Variants in DTWD2 observed in about 807,000 individuals in gnomAD.
The protein encoded by DTWD2 is DTW motif tRNA-uridine aminocarboxypropyltransferase 2.
In DTWD2, 39 loss-of-function variants were observed where a neutral mutation model predicts 31.8. That is an observed-to-expected ratio of 1.22 (90% CI 0.95 to 1.60). DTWD2 has a LOEUF of 1.60. DTWD2 is among the 40% of genes most tolerant of loss of function. The pLI is 0.00. For synonymous variants in DTWD2, 180 were observed against 142.8 expected (o/e 1.26, Z -1.86); for missense variants, 515 against 381.5 (o/e 1.35, Z -2.92).
chr5:118,963,929 G>T (rs1307873431), intron 1 of DTWD2, among the ~76,000 whole-genome samples: 1 of 152,154 alleles, frequency 6.6e-6, no homozygotes, highest in African/African-American at 2.4e-5. Context: ...GCATTTGCAG[G>T]CCAGGTGCAG....
At chr5:118,964,364 C>T (rs966346149) in intron 1 of DTWD2, among the ~76,000 whole-genome samples, 2 of 152,066 alleles carry the variant, frequency 1.3e-5, no homozygotes, top group Admixed American at 6.5e-5. Context: ...AAAGAGATGC[C>T]AGGGGAAAAT....
intron 1 of DTWD2, among the ~76,000 whole-genome samples, chr5:118,969,295 CCTCAGCTCAGCACACCCA>C (rs2149597426): frequency 6.6e-6 from 1 of 152,282 alleles, no homozygotes; most frequent in African/African-American, 2.4e-5. Flanking sequence ...GGAGGATTCC[CCTCAGCTCAGCACACCCA>C]CTCAGCCAAA....
intron 1 of DTWD2, among the ~76,000 whole-genome samples, chr5:118,956,971 T>C (rs1191105225): frequency 6.6e-6 from 1 of 152,164 alleles, no homozygotes; most frequent in African/African-American, 2.4e-5. Context: ...ATCTGTAAGA[T>C]AAAGTCATTG....
chr5:118,838,498 T>A lies in DTWD2; in HGVS notation c.*2419A>T, dbSNP rs1751627664. 1 of 152,224 alleles carries A rather than the reference T, an allele frequency of 6.6e-6. No homozygotes were observed. The highest frequency in any genetic ancestry group is 2.4e-5 in the African/African-American group (1 of 41,464). The allele number at this position is 152,224 out of a possible 1,614,324, so 9.4% of individuals were successfully genotyped here. A position where few individuals can be genotyped will look rare whatever the true frequency, so the allele number is the denominator to read the frequency against. ...TTTTTCAATTAAAATACTCAGATAATACTACACACTTGAGAACTTTTAGTA... is the reference window on the plus strand; with the variant it reads ...TTTTTCAATTAAAATACTCAGATAAAACTACACACTTGAGAACTTTTAGTA... On this transcript the variant is annotated 3_prime_UTR_variant, in exon 6 of 6. Coordinates refer to ENST00000510708, the MANE Select transcript of DTWD2 (RefSeq NM_173666.4).
chr5:118,890,298 G>C (rs1213716002), intron 4 of DTWD2, among the ~76,000 whole-genome samples: 1 of 152,102 alleles, frequency 6.6e-6, no homozygotes, highest in Non-Finnish European at 1.5e-5. Flanking sequence ...GTACAATAAA[G>C]TTCTAAACAA....
intron 4 of DTWD2, among the ~76,000 whole-genome samples, chr5:118,875,824 T>C (rs1393947250): frequency 6.6e-6 from 1 of 152,126 alleles, no homozygotes; most frequent in Admixed American, 6.5e-5. Flanking sequence ...CTAACAAAGA[T>C]ATTAAGGACC....
chr5:118,933,698 C>A (rs983812326), intron 3 of DTWD2, among the ~76,000 whole-genome samples: 1 of 152,068 alleles, frequency 6.6e-6, no homozygotes, highest in African/African-American at 2.4e-5. Context: ...TAGCATTATA[C>A]GTAATTGTTC....
chr5:118,955,581 A>T (rs535668592), intron 1 of DTWD2, among the ~76,000 whole-genome samples: 1 of 152,336 alleles, frequency 6.6e-6, no homozygotes, highest in East Asian at 1.9e-4. Flanking sequence ...GACAATAAAA[A>T]GAACAAAGAT....
chr5:118,854,987 C>G, intron 4 of DTWD2, among the ~76,000 whole-genome samples: 1 of 151,612 alleles, frequency 6.6e-6, no homozygotes, highest in Non-Finnish European at 1.5e-5. Flanking sequence ...CTAGCCTGGG[C>G]AACAGGCCAG....
intron 1 of DTWD2, among the ~76,000 whole-genome samples, chr5:118,972,139 G>A (rs1755001955): frequency 6.6e-6 from 1 of 152,068 alleles, no homozygotes; most frequent in Non-Finnish European, 1.5e-5. Flanking sequence ...AACTGAAGGA[G>A]ACAGAGATAT....
At chr5:118,843,971 G>C (rs1273968933) in intron 5 of DTWD2, among the ~76,000 whole-genome samples, 1 of 152,192 alleles carries the variant, frequency 6.6e-6, no homozygotes, top group Non-Finnish European at 1.5e-5. Context: ...CATTAAAAGT[G>C]GTATAGGATA....
At chr5:118,988,139 G>C (rs1390494913) in intron 1 of DTWD2, 155 bp downstream of exon 1, 1 of 897,206 alleles carries the variant, frequency 1.1e-6, no homozygotes, top group South Asian at 1.4e-5. Context: ...CTAGGTAGCT[G>C]TGCCTGGCAT....
At chr5:118,871,266 C>T (rs570530722) in intron 4 of DTWD2, among the ~76,000 whole-genome samples, 1 of 152,094 alleles carries the variant, frequency 6.6e-6, no homozygotes, top group African/African-American at 2.4e-5. Flanking sequence ...AGTCTTGAAC[C>T]CCTCAAAGTC....
chr5:118,962,618 G>T (rs533736541), intron 1 of DTWD2, among the ~76,000 whole-genome samples: 2 of 152,254 alleles, frequency 1.3e-5, no homozygotes, highest in South Asian at 4.2e-4. Context: ...AAAGGAAGTG[G>T]GATTAGGGAG....
intron 4 of DTWD2, among the ~76,000 whole-genome samples, chr5:118,849,877 G>C (rs1751957434): frequency 6.6e-6 from 1 of 152,034 alleles, no homozygotes; most frequent in African/African-American, 2.4e-5. Context: ...GGCCTGTTGG[G>C]GGGTGTGGGG....
chr5:118,980,096 G>C (rs1013338566), intron 1 of DTWD2, among the ~76,000 whole-genome samples: 3 of 152,154 alleles, frequency 2.0e-5, no homozygotes, highest in African/African-American at 7.2e-5. Flanking sequence ...TTACATTTCT[G>C]TATGTTTTGT....
chr5:118,988,167 T>A, intron 1 of DTWD2, 127 bp downstream of exon 1: 1 of 1,184,818 alleles, frequency 8.4e-7, no homozygotes, highest in Non-Finnish European at 1.2e-6. Context: ...ATTTCCAACG[T>A]GCACCCGCCA....
chr5:118,924,044 C>A (rs570847606), intron 4 of DTWD2, among the ~76,000 whole-genome samples: 25 of 152,188 alleles, frequency 1.6e-4, no homozygotes, highest in Non-Finnish European at 2.8e-4. Flanking sequence ...GATTCTGTAT[C>A]CCTCCCCTAC....
chr5:118,916,445 C>G (rs897192922), intron 4 of DTWD2, among the ~76,000 whole-genome samples: 13 of 152,072 alleles, frequency 8.5e-5, no homozygotes, highest in Non-Finnish European at 4.4e-5. Flanking sequence ...GTGGGTGGAT[C>G]ACCTGAGGTC....
Sources: allele counts gnomAD v4.1 joint callset (sites outside exome capture counted in the v4.1 genomes callset), GRCh38; gene constraint gnomAD v4.1.1; transcripts MANE v1.5; gene names NCBI Gene and HGNC (gene_info 2026-07-23, HGNC 2026-07-21).